Variants in EVC observed in about 807,000 individuals in gnomAD.
The protein encoded by EVC is evC complex member EVC.
In EVC, 116 loss-of-function variants were observed where a neutral mutation model predicts 118.9. The observed-to-expected ratio is 0.98, with a 90% CI of 0.84 to 1.14. EVC has a LOEUF of 1.14. EVC is among the 50% of genes most tolerant of loss of function. The probability of loss-of-function intolerance (pLI) is 0.00; values close to 1 mark genes in which losing one functional copy is unlikely to be tolerated. For missense variants in EVC, 1,401 were observed against 1,246.4 expected (o/e 1.12, Z -1.87); for synonymous variants, 619 against 534.7 (o/e 1.16, Z -2.18).
At chr4:5,728,770 A>G (rs1560290154) in intron 2 of EVC, among the ~76,000 whole-genome samples, 2 of 152,212 alleles carry the variant, frequency 1.3e-5, no homozygotes, top group Admixed American at 6.5e-5. Flanking sequence ...ACCCCTGGCA[A>G]TGCTAAAATT....
intron 11 of EVC, among the ~76,000 whole-genome samples, chr4:5,781,028 G>T (rs1009910291): frequency 1.3e-5 from 2 of 152,188 alleles, no homozygotes; most frequent in African/African-American, 4.8e-5. Flanking sequence ...ATTCTGTTGG[G>T]ATCAGTCATA....
At chr4:5,773,221 G>T (rs1261611414) in intron 11 of EVC, among the ~76,000 whole-genome samples, 1 of 152,166 alleles carries the variant, frequency 6.6e-6, no homozygotes, top group Non-Finnish European at 1.5e-5. Flanking sequence ...TGCTGTCCAG[G>T]TAACTATGAT....
downstream of EVC, among the ~76,000 whole-genome samples, chr4:5,818,076 A>T (rs1471708745): frequency 6.6e-6 from 1 of 152,052 alleles, no homozygotes; most frequent in Non-Finnish European, 1.5e-5. Flanking sequence ...CTGGTGGGAG[A>T]TAATTGAATC....
rs926070200 is a variant in EVC, at chr4:5,813,833, C to A, written c.*2796C>A. The A allele has an allele frequency of 6.6e-6, 1 of 152,244 alleles. No homozygotes were observed. Among genetic ancestry groups the A allele is most frequent in the African/African-American group, 2.4e-5 (1 of 41,468 alleles). 9.4% of individuals were successfully genotyped at this position (152,244 alleles called of 1,614,324 possible). A position where few individuals can be genotyped will look rare whatever the true frequency, so the allele number is the denominator to read the frequency against. ...CTCGACCCTGGCCCACCCTTGCCGC[C>A]CAGCTGTTGTGCTGGGCACAGTCTG... On this transcript the variant is annotated 3_prime_UTR_variant, in exon 21 of 21. Coordinates refer to ENST00000264956, the MANE Select transcript of EVC (RefSeq NM_153717.3).
In EVC at chr4:5,811,375, A is replaced by G; in HGVS notation, c.*338A>G. The G allele has an allele frequency of 2.8e-6, 1 of 352,454 alleles. No individual in the cohort carries two copies. Among genetic ancestry groups the G allele is most frequent in the Non-Finnish European group, 5.4e-6 (1 of 185,540 alleles). 21.8% of individuals were successfully genotyped at this position (352,454 alleles called of 1,614,324 possible). A position where few individuals can be genotyped will look rare whatever the true frequency, so the allele number is the denominator to read the frequency against. On this transcript the variant is annotated 3_prime_UTR_variant, in exon 21 of 21. Coordinates refer to ENST00000264956, the MANE Select transcript of EVC (RefSeq NM_153717.3). ...CAAGGACCCCTGATGCAGACTCTGGAATCCCTGGCCCAAAGGCCTGTCTGG... is the reference window on the plus strand; with the variant it reads ...CAAGGACCCCTGATGCAGACTCTGGGATCCCTGGCCCAAAGGCCTGTCTGG...
chr4:5,763,831 A>G (rs1732445265), intron 11 of EVC, among the ~76,000 whole-genome samples: 1 of 99,674 alleles, frequency 1.0e-5, no homozygotes, highest in Non-Finnish European at 2.0e-5. Context: ...TAGATATACA[A>G]TCATGTTGTC....
At chr4:5,827,469 C>G in the EVC span, among the ~76,000 whole-genome samples, 5 of 152,164 alleles carry the variant, frequency 3.3e-5, no homozygotes, top group Non-Finnish European at 4.4e-5. Context: ...TGCAGAGCCT[C>G]CCAGTCCGGG....
chr4:5,721,497 T>A (rs1560278189), intron 2 of EVC, among the ~76,000 whole-genome samples: 1 of 152,124 alleles, frequency 6.6e-6, no homozygotes, highest in Non-Finnish European at 1.5e-5. Flanking sequence ...TTCCAGGGGC[T>A]GCAGCAGAGG....
intron 17 of EVC, among the ~76,000 whole-genome samples, chr4:5,806,085 C>CTTT (rs113680421): frequency 1.4e-5 from 2 of 144,550 alleles, no homozygotes; most frequent in African/African-American, 5.1e-5. Flanking sequence ...CTTCCACTCT[C>CTTT]TTTTTTTTTT....
At chr4:5,752,607 T>C in intron 8 of EVC, 1 of 609,604 alleles carries the variant, frequency 1.6e-6, no homozygotes, top group Admixed American at 2.6e-5. Flanking sequence ...GCCTACATGC[T>C]AAGCTGCGTC....
Position 5,753,916 on chromosome 4 carries a change from C to T in EVC, c.1447C>T (p.Pro483Ser). The change falls in exon 10 of 21, where the codon CCG becomes TCG. Residue 483 changes from proline to serine, a missense_variant. Physicochemically the swap from Pro to Ser is moderately conservative, Grantham distance 74. Coordinates refer to ENST00000264956, the MANE Select transcript of EVC (RefSeq NM_153717.3). ...GGCTGAGGCCCAGCCGACTGCTGAC[C>T]CGGAAAAGTTTCTCGAGGTGACTCA... ...FLAEAQPTAD[P>S]EKFLEAFHEV... The T allele has an allele frequency of 6.2e-7, 1 of 1,613,378 alleles. No homozygotes were observed.
rs750496555 is a variant in EVC at position 5,797,168 on chromosome 4, G to C, written c.2033G>C (p.Arg678Pro). ...CTCCTGCAGGAGCTGCGGGAACAGC[G>C]TGCACTGGAGCAGGGGTCCTCCCAG... ...KHLLQELREQ[R>P]ALEQGSSQCL... The change falls in exon 14 of 21, where the codon CGT (arginine) becomes CCT (proline). Residue 678 changes from arginine (R) to proline (P), a missense_variant. By Grantham distance (103) the Arg-to-Pro change is moderately radical. Coordinates refer to ENST00000264956, the MANE Select transcript of EVC (RefSeq NM_153717.3). 4 of 1,613,378 alleles carry C rather than the reference G, an allele frequency of 2.5e-6. No homozygotes were observed. In the African/African-American group the frequency reaches 4.0e-5, roughly 16 times the overall value.
In EVC at chr4:5,754,044, A is replaced by G; in HGVS notation, c.1464+111A>G. 2.2e-6 allele frequency: 3 copies of G among 1,375,082 alleles called. No homozygotes were observed. Among genetic ancestry groups the G allele is most frequent in the South Asian group, 2.4e-5 (2 of 83,834 alleles). The allele number at this position is 1,375,082 out of a possible 1,614,324, so 85.2% of individuals were successfully genotyped here. A position where few individuals can be genotyped will look rare whatever the true frequency, so the allele number is the denominator to read the frequency against. ...TCATCAGGCATGAGGTTATCTGCCTACTTCCCATGTGTCAGCCGAGTGACC... is the reference window on the plus strand; with the variant it reads ...TCATCAGGCATGAGGTTATCTGCCTGCTTCCCATGTGTCAGCCGAGTGACC... On this transcript the variant is annotated intron_variant, in intron 10 of 20. Coordinates refer to ENST00000264956, the MANE Select transcript of EVC (RefSeq NM_153717.3). The surrounding 1 kb of genome is among the most constrained non-coding windows in gnomAD (Gnocchi z 5.8).
intron 2 of EVC, among the ~76,000 whole-genome samples, chr4:5,723,933 G>A (rs1290852039): frequency 6.6e-6 from 1 of 152,150 alleles, no homozygotes; most frequent in African/African-American, 2.4e-5. Flanking sequence ...CCAGAATGCA[G>A]GGGATTGAGA....
rs1270168046 is a variant in EVC, at chr4:5,741,662, A to G, written c.703-54A>G. On this transcript the variant is annotated intron_variant, in intron 5 of 20. Transcript: ENST00000264956. ...GAAGAGAAAACAGAAAGCAAAAGAC[A>G]AAAATACCATTGATTAAACTTTTCT... is the stretch of plus-strand genomic sequence containing the variant. The G allele has an allele frequency of 3.0e-5, 33 of 1,105,140 alleles. 2 individuals carry two copies. In the South Asian group the frequency reaches 4.1e-4, roughly 14 times the overall value. The allele number at this position is 1,105,140 out of a possible 1,614,324, so 68.5% of individuals were successfully genotyped here. A position where few individuals can be genotyped will look rare whatever the true frequency, so the allele number is the denominator to read the frequency against.
At chr4:5,776,530 C>A (rs1041251627) in intron 11 of EVC, among the ~76,000 whole-genome samples, 1 of 152,144 alleles carries the variant, frequency 6.6e-6, no homozygotes, top group South Asian at 2.1e-4. Context: ...GCCTCAGTTT[C>A]CTCATCTGTA....
intron 5 of EVC, among the ~76,000 whole-genome samples, chr4:5,741,242 G>A (rs1374236131): frequency 1.3e-5 from 2 of 152,302 alleles, no homozygotes; most frequent in Non-Finnish European, 2.9e-5. Context: ...TACTTCCTGG[G>A]TATCCCCACT....
At chr4:5,762,055 C>A (rs376976844) in intron 11 of EVC, among the ~76,000 whole-genome samples, 1 of 128,524 alleles carries the variant, frequency 7.8e-6, no homozygotes, top group Non-Finnish European at 1.6e-5. Context: ...CTCCCCCCAC[C>A]CCCACCCCAC....
In EVC at chr4:5,801,906, C is replaced by T. The variant is rs2306400; in HGVS notation, c.2305-44C>T. 538,561 of 1,603,566 alleles carry T rather than the reference C, an allele frequency of 0.34. 95,310 individuals carry two copies. Among genetic ancestry groups the T allele is most frequent in the South Asian group, 0.52 (46,912 of 89,704 alleles). On this transcript the variant is annotated intron_variant, in intron 15 of 20. Coordinates refer to ENST00000264956, the MANE Select transcript of EVC (RefSeq NM_153717.3). ...CTGGATGGGCCGTGGGTGGCTCCCACGTGTGACTTCTCTGCTGTCCCTGTC... is the reference window on the plus strand; with the variant it reads ...CTGGATGGGCCGTGGGTGGCTCCCATGTGTGACTTCTCTGCTGTCCCTGTC...
Sources: gnomAD v4.1 joint callset for allele counts (sites outside exome capture counted in the v4.1 genomes callset) on GRCh38, gnomAD v4.1.1 for gene constraint, Gnocchi (gnomAD v3.1) non-coding constraint, MANE v1.5 for transcripts, NCBI Gene and HGNC (gene_info 2026-07-23, HGNC 2026-07-21) for gene names.